PTPRM: variants seen among roughly 807,000 people sequenced by gnomAD.
PTPRM encodes the protein protein tyrosine phosphatase receptor type M.
A neutral mutation model predicts 186.7 loss-of-function variants in PTPRM; 47 were observed. The observed-to-expected ratio is 0.25, with a 90% CI of 0.20 to 0.32. The LOEUF is 0.32. Among genes scored for constraint, PTPRM ranks in the 10% least tolerant of loss-of-function variants. PTPRM has a pLI of 1.00. For missense variants in PTPRM, 1,494 were observed against 1,865.0 expected (o/e 0.80, Z 3.66); for synonymous variants, 668 against 674.9 (o/e 0.99, Z 0.16).
At chr18:8,054,297 TAATATATATATA>T (rs1392521099) in intron 7 of PTPRM, among the ~76,000 whole-genome samples, 2 of 22,816 alleles carry the variant, frequency 8.8e-5, no homozygotes, top group African/African-American at 3.1e-4. Context: ...CTAGTAGTAG[TAATATATATATA>T]TATATATATA....
At position 7,568,804 on chromosome 18, in the gene PTPRM, G is replaced by T. The variant is rs961043430; in HGVS notation, c.73+913G>T. ...GAGAGGATCTGTGGATCGGAGTCGG[G>T]GGTCCGGCGTGGGGGCGAACCCGGC... is the stretch of plus-strand genomic sequence containing the variant. On this transcript the variant is annotated intron_variant, in intron 1 of 32. Transcript: ENST00000580170. The surrounding 1 kb of genome is among the most constrained non-coding windows in gnomAD (Gnocchi z 5.1). Among the ~76,000 whole-genome samples the T allele has an allele frequency of 1.3e-5, 2 of 152,150 alleles. No homozygotes were observed. The highest frequency in any genetic ancestry group is 2.9e-5 in the Non-Finnish European group (2 of 68,020).
chr18:8,024,874 G>T (rs1489938063), intron 7 of PTPRM, among the ~76,000 whole-genome samples: 3 of 151,798 alleles, frequency 2.0e-5, no homozygotes, highest in Non-Finnish European at 4.4e-5. Context: ...AGGAGAGACA[G>T]TGTTTCACCA....
intron 2 of PTPRM, among the ~76,000 whole-genome samples, chr18:7,802,515 T>C (rs1408051828): frequency 6.6e-6 from 1 of 152,120 alleles, no homozygotes; most frequent in Non-Finnish European, 1.5e-5. Flanking sequence ...CAGATACTCG[T>C]TGGCATCAGC....
chr18:7,615,224 A>G (rs2037773083), intron 1 of PTPRM, among the ~76,000 whole-genome samples: 1 of 152,250 alleles, frequency 6.6e-6, no homozygotes, highest in Admixed American at 6.5e-5. Flanking sequence ...TAATGTAACA[A>G]TAAACAAAAT....
intron 7 of PTPRM, among the ~76,000 whole-genome samples, chr18:7,974,955 G>A (rs1487451995): frequency 6.6e-6 from 1 of 152,146 alleles, no homozygotes; most frequent in African/African-American, 2.4e-5. Context: ...TCTATCCCAT[G>A]TTTATCATTC....
chr18:8,237,723 G>C (rs1458433746), intron 14 of PTPRM, among the ~76,000 whole-genome samples: 2 of 152,044 alleles, frequency 1.3e-5, no homozygotes, highest in Admixed American at 1.3e-4. Flanking sequence ...TGGGATTACA[G>C]GTGTGAGCCA....
chr18:7,704,102 G>A (rs1313558788), intron 1 of PTPRM, among the ~76,000 whole-genome samples: 3 of 152,118 alleles, frequency 2.0e-5, no homozygotes, highest in African/African-American at 7.2e-5. Flanking sequence ...TTTTCGCATC[G>A]ACGTTCATCA....
chr18:8,149,641 A>G (rs1254856344), intron 14 of PTPRM, among the ~76,000 whole-genome samples: 1 of 152,052 alleles, frequency 6.6e-6, no homozygotes, highest in Non-Finnish European at 1.5e-5. Flanking sequence ...CATTTAGCCC[A>G]TTTACATGTA....
intron 28 of PTPRM, among the ~76,000 whole-genome samples, chr18:8,379,889 C>A (rs2095721177): frequency 6.6e-6 from 1 of 152,234 alleles, no homozygotes; most frequent in Middle Eastern, 3.4e-3. Context: ...TACATGTATT[C>A]TTTACGGCAG....
chr18:8,030,477 T>C (rs906292683), intron 7 of PTPRM, among the ~76,000 whole-genome samples: 3 of 152,340 alleles, frequency 2.0e-5, no homozygotes, highest in Non-Finnish European at 2.9e-5. Context: ...AGGAATACTA[T>C]GTCAAAGTGA....
chr18:8,230,989 T>G (rs1214688441), intron 14 of PTPRM, among the ~76,000 whole-genome samples: 1 of 152,234 alleles, frequency 6.6e-6, no homozygotes, highest in East Asian at 1.9e-4. Flanking sequence ...ACTGCAGCCC[T>G]TAATTAAGTC....
At chr18:7,889,522 A>G (rs2146363829) in intron 3 of PTPRM, among the ~76,000 whole-genome samples, 1 of 151,768 alleles carries the variant, frequency 6.6e-6, no homozygotes, top group Non-Finnish European at 1.5e-5. Flanking sequence ...TTTTTTTTGT[A>G]GAGACAGGGC....
At position 8,238,651 on chromosome 18, in the gene PTPRM, G is replaced by GTTTTTTTTTTTT. The variant is rs71165776; in HGVS notation, c.2301-5385_2301-5374dup. Among the ~76,000 whole-genome samples, 12 of 25,770 alleles carry GTTTTTTTTTTTT rather than the reference G, an allele frequency of 4.7e-4. 2 individuals carry two copies. The highest frequency in any genetic ancestry group is 1.5e-3 in the East Asian group (1 of 670). 16.9% of individuals were successfully genotyped at this position (25,770 alleles called of 152,430 possible). On this transcript the variant is annotated intron_variant, in intron 14 of 32. Transcript: ENST00000580170. Reference sequence around the variant, plus strand: ...TCTGTCTCTTCACACTGTTTTGTGTGTTTTTTTTTTTTTTTTTTTTTTTTT... The same window carrying GTTTTTTTTTTTT: ...TCTGTCTCTTCACACTGTTTTGTGTGTTTTTTTTTTTTTTTTTTTTTTTTTTTTTTTTTTTTT...
Position 8,379,162 on chromosome 18 carries a change from C to A in PTPRM, c.3613-5C>A. The A allele has an allele frequency of 3.8e-6, 6 of 1,583,364 alleles. No homozygotes were observed. Among genetic ancestry groups the A allele is most frequent in the African/African-American group, 2.7e-5 (2 of 73,948 alleles). Reference sequence around the variant, plus strand: ...GTCCTCATGTTCCTTTCTTTTCTCACGCAGACGCTAAACATGGTGACACCA... The same window carrying A: ...GTCCTCATGTTCCTTTCTTTTCTCAAGCAGACGCTAAACATGGTGACACCA... On this transcript the variant is annotated splice_polypyrimidine_tract_variant and splice_region_variant and intron_variant, in intron 27 of 32. Transcript: ENST00000580170.
At chr18:7,683,726 A>T (rs867360830) in intron 1 of PTPRM, among the ~76,000 whole-genome samples, 3 of 152,200 alleles carry the variant, frequency 2.0e-5, no homozygotes, top group Admixed American at 6.5e-5. Context: ...TTAGCAAATT[A>T]AAACAACACT....
chr18:7,986,729 C>A (rs530923528), intron 7 of PTPRM, among the ~76,000 whole-genome samples: 1 of 152,274 alleles, frequency 6.6e-6, no homozygotes, highest in Non-Finnish European at 1.5e-5. Flanking sequence ...TAATGGAGGT[C>A]TGAGTTGGTG....
At chr18:8,346,114 T>G (rs1186066940) in intron 23 of PTPRM, among the ~76,000 whole-genome samples, 2 of 152,180 alleles carry the variant, frequency 1.3e-5, no homozygotes. Flanking sequence ...GCAGGTGAGC[T>G]GGTGAGGAGG....
chr18:8,391,220 A>C (rs1422039908), intron 31 of PTPRM, among the ~76,000 whole-genome samples: 1 of 152,200 alleles, frequency 6.6e-6, no homozygotes, highest in Non-Finnish European at 1.5e-5. Flanking sequence ...ACCAAAGCTA[A>C]ACATATACGC....
rs886942576 is a variant in PTPRM at position 8,314,732 on chromosome 18, A to G, written c.2843-49A>G. ...TACATTCTGGGGCTCAGAGCCACCT[A>G]CCAGATTGCTTTTGTTAATCGTTAT... is the stretch of plus-strand genomic sequence containing the variant. On this transcript the variant is annotated intron_variant, in intron 20 of 32. Transcript: ENST00000580170. 2.8e-6 allele frequency: 4 copies of G among 1,412,504 alleles called. No individual in the cohort carries two copies. In the African/African-American group the frequency reaches 5.7e-5, roughly 20 times the overall value. The allele number at this position is 1,412,504 out of a possible 1,614,324, so 87.5% of individuals were successfully genotyped here.
Sources: gnomAD v4.1 joint callset for allele counts (sites outside exome capture counted in the v4.1 genomes callset) on GRCh38, gnomAD v4.1.1 for gene constraint, Gnocchi (gnomAD v3.1) non-coding constraint, MANE v1.5 for transcripts, NCBI Gene and HGNC (gene_info 2026-07-23, HGNC 2026-07-21) for gene names.